Variants in ATP8A2 observed in about 807,000 individuals in gnomAD.
The protein encoded by ATP8A2 is ATPase phospholipid transporting 8A2.
ATP8A2 carries 100 observed loss-of-function variants against 165.6 expected under a neutral mutation model. The ratio of observed to expected loss-of-function variants is 0.60; its 90% CI spans 0.51 to 0.71. The LOEUF is 0.71. Ranked by LOEUF, ATP8A2 falls within the 30% of genes least tolerant of loss-of-function variation. ATP8A2 has a pLI of 0.00. For missense variants in ATP8A2, 1,227 were observed against 1,479.5 expected (o/e 0.83, Z 2.80); for synonymous variants, 543 against 548.8 (o/e 0.99, Z 0.15).
intron 24 of ATP8A2, among the ~76,000 whole-genome samples, chr13:25,603,291 C>T (rs1186052569): frequency 2.0e-5 from 3 of 151,832 alleles, no homozygotes; most frequent in Non-Finnish European, 4.4e-5. Context: ...AGTTCAAGAG[C>T]AGCTTGGGCA....
In ATP8A2 at chr13:25,953,512, C is replaced by G. The variant is rs1381426617; in HGVS notation, c.3184-8063C>G. On this transcript the variant is annotated intron_variant, in intron 33 of 36. Coordinates refer to ENST00000381655, the MANE Select transcript of ATP8A2 (RefSeq NM_016529.6). This position sits in a 1 kb window ranked among gnomAD's most constrained non-coding sequence, Gnocchi z 6.7. ...CTGACCTTATGTAGCCCTGGTTACT[C>G]CAGCCTTTTTAAAAAAAAAAAAAAA... 7.4e-6 allele frequency among the ~76,000 whole-genome samples: 1 copy of G among 135,068 alleles called. No homozygotes were observed. Among genetic ancestry groups the G allele is most frequent in the Non-Finnish European group, 1.6e-5 (1 of 63,666 alleles). The allele number at this position is 135,068 out of a possible 152,430, so 88.6% of individuals were successfully genotyped here.
At chr13:25,989,190 A>T (rs1956334076) in intron 35 of ATP8A2, among the ~76,000 whole-genome samples, 1 of 152,152 alleles carries the variant, frequency 6.6e-6, no homozygotes, top group African/African-American at 2.4e-5. Context: ...TGCTTATTTG[A>T]ATTTGTAAAG....
At chr13:25,447,532 G>T (rs1398176942) in intron 1 of ATP8A2, among the ~76,000 whole-genome samples, 1 of 152,168 alleles carries the variant, frequency 6.6e-6, no homozygotes, top group African/African-American at 2.4e-5. Flanking sequence ...TGGGGTGAGT[G>T]CCTTTGGGCA....
intron 2 of ATP8A2, among the ~76,000 whole-genome samples, chr13:25,505,233 A>C (rs941463590): frequency 7.9e-5 from 12 of 150,974 alleles, no homozygotes; most frequent in Non-Finnish European, 1.6e-4. Flanking sequence ...ACTCATTGGA[A>C]ATGCCTGTTA....
intron 25 of ATP8A2, among the ~76,000 whole-genome samples, chr13:25,763,652 C>T (rs955469444): frequency 6.6e-6 from 1 of 152,108 alleles, no homozygotes; most frequent in Non-Finnish European, 1.5e-5. Context: ...CCAAGCTGCC[C>T]AAATTATCTA....
In ATP8A2 at chr13:25,530,671, G is replaced by A. The variant is rs916160545; in HGVS notation, c.420+11G>A. ...ATTGTAGAAGATTTTGTAAGTTTTT[G>A]CTTTTGGATAATAAAATCATTGTAT... On this transcript the variant is annotated intron_variant, in intron 4 of 36. Coordinates refer to ENST00000381655, the MANE Select transcript of ATP8A2 (RefSeq NM_016529.6). 1.1e-5 allele frequency: 16 copies of A among 1,495,734 alleles called. No individual in the cohort carries two copies. Among genetic ancestry groups the A allele is most frequent in the Non-Finnish European group, 1.5e-5 (16 of 1,086,416 alleles). The allele number at this position is 1,495,734 out of a possible 1,614,324, so 92.7% of individuals were successfully genotyped here.
At chr13:25,788,401 C>T (rs1037429369) in intron 27 of ATP8A2, among the ~76,000 whole-genome samples, 1 of 152,232 alleles carries the variant, frequency 6.6e-6, no homozygotes, top group Admixed American at 6.5e-5. Flanking sequence ...TATGAGTTTA[C>T]TTCATCCCCA....
At chr13:25,518,369 G>A (rs1439709290) in intron 2 of ATP8A2, among the ~76,000 whole-genome samples, 1 of 152,164 alleles carries the variant, frequency 6.6e-6, no homozygotes, top group African/African-American at 2.4e-5. Flanking sequence ...GACGCTTAAA[G>A]CCTCCTTTAT....
chr13:25,932,045 T>C (rs1593581718), intron 33 of ATP8A2, among the ~76,000 whole-genome samples: 2 of 123,454 alleles, frequency 1.6e-5, no homozygotes, highest in Admixed American at 1.6e-4. Context: ...TGAAACTCCA[T>C]CTCAAAAAAA....
At position 26,020,119 on chromosome 13, in the gene ATP8A2, C is replaced by G; in HGVS notation, c.*134C>G. 5 of 684,428 alleles carry G rather than the reference C, an allele frequency of 7.3e-6. No individual in the cohort carries two copies. Among genetic ancestry groups the G allele is most frequent in the Admixed American group, 4.9e-5 (2 of 41,108 alleles). The allele number at this position is 684,428 out of a possible 1,614,324, so 42.4% of individuals were successfully genotyped here. ...ACACATTTCTGTGGCCTTAGCCAAG[C>G]AGTTTGTTAGTTACATATTCCCTCG... On this transcript the variant is annotated 3_prime_UTR_variant, in exon 37 of 37. Coordinates refer to ENST00000381655, the MANE Select transcript of ATP8A2 (RefSeq NM_016529.6).
chr13:25,484,055 C>G (rs188106381), intron 2 of ATP8A2, among the ~76,000 whole-genome samples: 4 of 152,224 alleles, frequency 2.6e-5, no homozygotes, highest in Admixed American at 6.5e-5. Context: ...TGTTTTCTAG[C>G]CTGTAACTGC....
intron 27 of ATP8A2, among the ~76,000 whole-genome samples, chr13:25,815,120 A>G (rs370306656): frequency 6.6e-6 from 1 of 152,204 alleles, no homozygotes; most frequent in African/African-American, 2.4e-5. Context: ...ACATAAGGGG[A>G]CAGTTTCATG....
chr13:25,400,722 C>A (rs1415004137), intron 1 of ATP8A2, among the ~76,000 whole-genome samples: 1 of 152,164 alleles, frequency 6.6e-6, no homozygotes, highest in Non-Finnish European at 1.5e-5. Context: ...TGAGGTCACA[C>A]CAGTGAACAC....
chr13:25,966,126 G>A (rs947227096), intron 34 of ATP8A2, among the ~76,000 whole-genome samples: 3 of 151,240 alleles, frequency 2.0e-5, no homozygotes, highest in Admixed American at 6.6e-5. Context: ...AGGTATATCT[G>A]AAGACCCACA....
At chr13:25,963,161 C>G (rs1955695722) in intron 34 of ATP8A2, among the ~76,000 whole-genome samples, 1 of 151,900 alleles carries the variant, frequency 6.6e-6, no homozygotes, top group Non-Finnish European at 1.5e-5. Flanking sequence ...TTTGGGAGGC[C>G]GAGGTGGGTG....
intron 27 of ATP8A2, among the ~76,000 whole-genome samples, chr13:25,780,115 A>G (rs2044839354): frequency 6.6e-6 from 1 of 152,240 alleles, no homozygotes; most frequent in African/African-American, 2.4e-5. Context: ...TAAAATTCAA[A>G]TAGAAAAATA....
chr13:25,474,870 G>A (rs1038413591), intron 2 of ATP8A2, among the ~76,000 whole-genome samples: 9 of 151,296 alleles, frequency 5.9e-5, no homozygotes, highest in East Asian at 5.8e-4. Context: ...TCATTCTGTC[G>A]CCCAGGCTGG....
At chr13:25,452,970 C>T (rs9511811) in intron 1 of ATP8A2, among the ~76,000 whole-genome samples, 56,996 of 151,036 alleles carry the variant, frequency 0.38, 11,561 homozygotes, top group East Asian at 0.6. Flanking sequence ...TGGTGGGCGC[C>T]GGTAATTCCA....
chr13:25,960,003 A>G (rs1037813280), intron 33 of ATP8A2, among the ~76,000 whole-genome samples: 3 of 152,196 alleles, frequency 2.0e-5, no homozygotes, highest in African/African-American at 7.2e-5. Context: ...CCAGGGTTGG[A>G]TTTTGACTCT....
Sources: allele counts gnomAD v4.1 joint callset (sites outside exome capture counted in the v4.1 genomes callset), GRCh38; gene constraint gnomAD v4.1.1; non-coding constraint Gnocchi (gnomAD v3.1); transcripts MANE v1.5; gene names NCBI Gene and HGNC (gene_info 2026-07-23, HGNC 2026-07-21).